The following GNB4 variants were observed in gnomAD, a reference collection of about 807,000 sequenced individuals.
GNB4 encodes the protein guanine nucleotide-binding protein subunit beta-4.
A neutral mutation model predicts 45.2 loss-of-function variants in GNB4; 28 were observed. The ratio of observed to expected loss-of-function variants is 0.62; its 90% CI spans 0.46 to 0.85. The LOEUF is 0.85. GNB4 is among the 40% of genes least tolerant of loss of function. The pLI is 0.00. For missense variants in GNB4, 321 were observed against 425.4 expected (o/e 0.75, Z 2.16); for synonymous variants, 132 against 143.7 (o/e 0.92, Z 0.58).
At chr3:179,447,878 C>G (rs146685147) in intron 1 of GNB4, among the ~76,000 whole-genome samples, 46 of 152,292 alleles carry the variant, frequency 3.0e-4, no homozygotes, top group Middle Eastern at 3.4e-3. Context: ...GTACCATTGA[C>G]TGAGATGGAG....
the GNB4 span, among the ~76,000 whole-genome samples, chr3:179,473,859 C>T: frequency 5.9e-5 from 9 of 152,168 alleles, no homozygotes; most frequent in African/African-American, 1.9e-4. Context: ...CTACACTTCT[C>T]TATTATATGA....
At chr3:179,465,380 A>G in the GNB4 span, 6 of 693,066 alleles carry the variant, frequency 8.7e-6, no homozygotes, top group African/African-American at 7.1e-5. Context: ...GAGGCGGGCG[A>G]ATCACGAGAT....
the GNB4 span, among the ~76,000 whole-genome samples, chr3:179,490,665 C>T: frequency 6.6e-5 from 10 of 152,116 alleles, no homozygotes; most frequent in South Asian, 2.1e-4. Flanking sequence ...GAGTGTATCC[C>T]GGTTCTGAGG....
At chr3:179,430,494 C>A (rs1356890850) in intron 1 of GNB4, among the ~76,000 whole-genome samples, 1 of 152,260 alleles carries the variant, frequency 6.6e-6, no homozygotes, top group East Asian at 1.9e-4. Flanking sequence ...ACTCTGTCAA[C>A]CAGGCTGGAG....
At chr3:179,468,093 G>C in the GNB4 span, among the ~76,000 whole-genome samples, 2 of 143,332 alleles carry the variant, frequency 1.4e-5, no homozygotes, top group Non-Finnish European at 3.1e-5. Context: ...AGCTACCCGG[G>C]AGGCTGAGGT....
chr3:179,414,818 T>C (rs1428195492), intron 6 of GNB4, 67 bp downstream of exon 6: 101 of 1,310,634 alleles, frequency 7.7e-5, no homozygotes, highest in Non-Finnish European at 1.0e-4. Context: ...AATCTGTCAT[T>C]TGTCCTTGAT....
At chr3:179,408,304 G>A (rs1304693856) in intron 8 of GNB4, among the ~76,000 whole-genome samples, 1 of 152,038 alleles carries the variant, frequency 6.6e-6, no homozygotes, top group Non-Finnish European at 1.5e-5. Flanking sequence ...ATGGGTTCAC[G>A]GCCGATTAGA....
the GNB4 span, among the ~76,000 whole-genome samples, chr3:179,480,485 A>C: frequency 6.6e-6 from 1 of 152,010 alleles, no homozygotes; most frequent in Non-Finnish European, 1.5e-5. Flanking sequence ...TCCATCATAA[A>C]TTAGCTGCCA....
chr3:179,434,605 CA>C (rs1715395233), intron 1 of GNB4, among the ~76,000 whole-genome samples: 2 of 151,778 alleles, frequency 1.3e-5, no homozygotes. Context: ...CCTGTAGTAC[CA>C]GACACTCAGG....
intron 1 of GNB4, among the ~76,000 whole-genome samples, chr3:179,448,598 A>G (rs1715796146): frequency 6.6e-6 from 1 of 152,204 alleles, no homozygotes; most frequent in Non-Finnish European, 1.5e-5. Flanking sequence ...AACATAAAAA[A>G]GACTAACAGT....
At chr3:179,522,467 G>A in the GNB4 span, among the ~76,000 whole-genome samples, 1 of 142,740 alleles carries the variant, frequency 7.0e-6, no homozygotes, top group Non-Finnish European at 1.5e-5. Context: ...TGGTCTCTTC[G>A]CACGGACGCG....
chr3:179,510,614 T>C, the GNB4 span, among the ~76,000 whole-genome samples: 3 of 151,956 alleles, frequency 2.0e-5, no homozygotes, highest in East Asian at 3.9e-4. Flanking sequence ...TTTTTTTTTT[T>C]ACATTTCTCA....
chr3:179,453,244 T>C (rs1715928877), upstream of GNB4, among the ~76,000 whole-genome samples: 1 of 152,168 alleles, frequency 6.6e-6, no homozygotes, highest in South Asian at 2.1e-4. Flanking sequence ...TGTCTCAGCC[T>C]CCCAAGTCTG....
intron 9 of GNB4, 145 bp from the exon 10 acceptor site, chr3:179,401,464 GAA>G (rs1714298566): frequency 2.3e-6 from 1 of 432,450 alleles, no homozygotes; most frequent in Admixed American, 4.3e-5. Context: ...TAATTTAAAA[GAA>G]AACAACAAAT....
At chr3:179,519,001 A>G in the GNB4 span, among the ~76,000 whole-genome samples, 1 of 151,766 alleles carries the variant, frequency 6.6e-6, no homozygotes, top group Non-Finnish European at 1.5e-5. Flanking sequence ...AAGTAGCAAC[A>G]TATTTCTGAG....
At chr3:179,477,792 T>G in the GNB4 span, among the ~76,000 whole-genome samples, 1 of 152,210 alleles carries the variant, frequency 6.6e-6, no homozygotes, top group African/African-American at 2.4e-5. Flanking sequence ...AGAATTGTTC[T>G]TACTGTTCCA....
At chr3:179,521,945 T>C in the GNB4 span, among the ~76,000 whole-genome samples, 3 of 152,174 alleles carry the variant, frequency 2.0e-5, no homozygotes, top group Admixed American at 6.6e-5. Context: ...GTTCCCAAGC[T>C]GCCCCTAATC....
At chr3:179,409,713 G>A (rs1714588022) in intron 8 of GNB4, among the ~76,000 whole-genome samples, 3 of 151,628 alleles carry the variant, frequency 2.0e-5, no homozygotes, top group Admixed American at 1.3e-4. Flanking sequence ...CGAAGGCTGA[G>A]GCAGGAGAAT....
intron 2 of GNB4, among the ~76,000 whole-genome samples, chr3:179,422,410 C>T (rs111725848): frequency 3.3e-5 from 5 of 151,404 alleles, no homozygotes; most frequent in African/African-American, 9.7e-5. Context: ...AAGGATCGCT[C>T]GAGCCCAGGA....
Sources: allele counts gnomAD v4.1 joint callset (sites outside exome capture counted in the v4.1 genomes callset), GRCh38; gene constraint gnomAD v4.1.1; transcripts MANE v1.5; gene names NCBI Gene and HGNC (gene_info 2026-07-23, HGNC 2026-07-21).